Variants in CGNL1 observed in about 807,000 individuals in gnomAD.
CGNL1 encodes the protein cingulin like 1, also known as cingulin-like protein 1.
In CGNL1, 132 loss-of-function variants were observed where a neutral mutation model predicts 141.2. The observed-to-expected ratio is 0.93, with a 90% CI of 0.81 to 1.08. The LOEUF is 1.08. Among genes scored for constraint, CGNL1 ranks in the 50% least tolerant of loss-of-function variants. CGNL1 has a pLI of 0.00. For missense variants in CGNL1, 1,870 were observed against 1,588.6 expected, an observed-to-expected ratio of 1.18 and a Z score of -3.01; for synonymous variants, 690 against 622.1, an observed-to-expected ratio of 1.11 and a Z score of -1.63.
intron 3 of CGNL1, among the ~76,000 whole-genome samples, chr15:57,441,476 C>G (rs1260094873): frequency 6.6e-6 from 1 of 152,050 alleles, no homozygotes. Context: ...TCAAGAGATT[C>G]TCCTGCCTCA....
chr15:57,535,412 C>G (rs1404914020), intron 14 of CGNL1, among the ~76,000 whole-genome samples: 18 of 152,190 alleles, frequency 1.2e-4, no homozygotes, highest in Non-Finnish European at 2.1e-4. Context: ...GAGGGAAAGA[C>G]CATTGTTGCA....
chr15:57,409,940 G>A (rs1374955720), intron 1 of CGNL1, among the ~76,000 whole-genome samples: 2 of 152,212 alleles, frequency 1.3e-5, no homozygotes, highest in Non-Finnish European at 2.9e-5. Flanking sequence ...TGCCTCGTGT[G>A]AGGATCTCGC....
chr15:57,508,877 A>G (rs919663354), intron 8 of CGNL1, among the ~76,000 whole-genome samples: 3 of 152,244 alleles, frequency 2.0e-5, no homozygotes, highest in Non-Finnish European at 4.4e-5. Context: ...TGAGATCTCT[A>G]GGTAATTCAT....
intron 9 of CGNL1, 98 bp downstream of exon 9, chr15:57,517,084 T>C: frequency 3.4e-6 from 4 of 1,193,820 alleles, no homozygotes; most frequent in Admixed American, 4.3e-5. Context: ...ATTGTCATGA[T>C]GTAGTAGGAA....
Position 57,437,998 on chromosome 15 carries a change from C to A in CGNL1, c.-2C>A. Reference sequence around the variant, plus strand: ...TCTCCCTGGTAGCTGGAACAGTGAACCATGGAGCTGTATTTCGGTGAATAT... The same window carrying A: ...TCTCCCTGGTAGCTGGAACAGTGAAACATGGAGCTGTATTTCGGTGAATAT... On this transcript the variant is annotated 5_prime_UTR_variant, in exon 2 of 19. Coordinates refer to ENST00000281282, the MANE Select transcript of CGNL1 (RefSeq NM_032866.5). 1 of 1,608,912 alleles carries A rather than the reference C, an allele frequency of 6.2e-7. No homozygotes were observed.
intron 8 of CGNL1, among the ~76,000 whole-genome samples, chr15:57,467,656 A>C (rs2063526250): frequency 6.6e-6 from 1 of 151,742 alleles, no homozygotes; most frequent in African/African-American, 2.4e-5. Flanking sequence ...AAGGGGTGAT[A>C]ATAGTGCTAT....
At chr15:57,514,982 T>C (rs1205933684) in intron 8 of CGNL1, among the ~76,000 whole-genome samples, 1 of 152,212 alleles carries the variant, frequency 6.6e-6, no homozygotes, top group Non-Finnish European at 1.5e-5. Flanking sequence ...ATGCCAGTAC[T>C]GCCCTGTCTT....
At position 57,422,219 on chromosome 15, in the gene CGNL1, ATTTT is replaced by A. The variant is rs5812897; in HGVS notation, c.-15-15757_-15-15754del. Among the ~76,000 whole-genome samples, 14 of 145,294 alleles carry A rather than the reference ATTTT, an allele frequency of 9.6e-5. 3 individuals carry two copies. Among genetic ancestry groups the A allele is most frequent in the African/African-American group, 3.5e-4 (14 of 39,662 alleles). ...GTTTTTTTCTCCTTTCCTTGCAGTT[ATTTT>A]TTTTTTTTCTTTTATTGCCTGTTTC... On this transcript the variant is annotated intron_variant, in intron 1 of 18. Coordinates refer to ENST00000281282, the MANE Select transcript of CGNL1 (RefSeq NM_032866.5).
chr15:57,481,117 T>A (rs971421372), intron 8 of CGNL1, among the ~76,000 whole-genome samples: 9 of 147,890 alleles, frequency 6.1e-5, no homozygotes, highest in Non-Finnish European at 9.0e-5. Context: ...AAAGAATTTT[T>A]AAAAAATCAA....
At chr15:57,528,540 T>G in intron 12 of CGNL1, 114 bp from the exon 13 acceptor site, 1 of 1,016,248 alleles carries the variant, frequency 9.8e-7, no homozygotes, top group Non-Finnish European at 1.5e-6. Context: ...ATCTCCCATA[T>G]TGTGGGAGTC....
chr15:57,399,078 A>G (rs1247119556), intron 1 of CGNL1, among the ~76,000 whole-genome samples: 1 of 152,198 alleles, frequency 6.6e-6, no homozygotes, highest in Non-Finnish European at 1.5e-5. Flanking sequence ...CTAAATTATG[A>G]TATATATAAA....
intron 1 of CGNL1, among the ~76,000 whole-genome samples, chr15:57,430,397 C>G (rs536881379): frequency 5.4e-4 from 82 of 152,256 alleles, no homozygotes; most frequent in African/African-American, 1.8e-3. Flanking sequence ...GGATGAATGA[C>G]TTATCTAACA....
rs545286920 is a variant in CGNL1 at position 57,463,421 on chromosome 15, A to G, written c.2403+1529A>G. On this transcript the variant is annotated intron_variant, in intron 8 of 18. Coordinates refer to ENST00000281282, the MANE Select transcript of CGNL1 (RefSeq NM_032866.5). ...TAACTCATAGTATTTTCATTATGCC[A>G]TTTCAAGAGCGACAACTACATTGAC... Among the ~76,000 whole-genome samples the G allele has an allele frequency of 2.0e-5, 3 of 152,350 alleles. No individual in the cohort carries two copies. In the East Asian group the frequency reaches 5.8e-4, roughly 29 times the overall value.
chr15:57,456,830 C>T (rs2063384819), intron 7 of CGNL1, among the ~76,000 whole-genome samples: 1 of 152,168 alleles, frequency 6.6e-6, no homozygotes, highest in African/African-American at 2.4e-5. Flanking sequence ...GGCCTCACTC[C>T]AGCAGAGTCT....
chr15:57,428,928 C>G (rs1253243411), intron 1 of CGNL1, among the ~76,000 whole-genome samples: 1 of 151,874 alleles, frequency 6.6e-6, no homozygotes, highest in Non-Finnish European at 1.5e-5. Context: ...GAGGCTGAGG[C>G]AGGAGAATTG....
At chr15:57,456,357 T>C (rs936320486) in intron 7 of CGNL1, among the ~76,000 whole-genome samples, 9 of 152,306 alleles carry the variant, frequency 5.9e-5, no homozygotes, top group East Asian at 3.9e-4. Context: ...GAAATATCTT[T>C]TAATATGTCA....
At chr15:57,528,524 C>G in intron 12 of CGNL1, 130 bp from the exon 13 acceptor site, 2 of 892,122 alleles carry the variant, frequency 2.2e-6, no homozygotes, top group Non-Finnish European at 3.5e-6. Flanking sequence ...TGCTCAAGGT[C>G]TTCTGATCTC....
At chr15:57,456,521 A>G (rs1326964241) in intron 7 of CGNL1, among the ~76,000 whole-genome samples, 1 of 152,178 alleles carries the variant, frequency 6.6e-6, no homozygotes, top group East Asian at 1.9e-4. Flanking sequence ...ACAGTTTAAA[A>G]AAAAAAAGAA....
chr15:57,406,898 A>T (rs182514937), intron 1 of CGNL1: 1 of 152,360 alleles, frequency 6.6e-6, no homozygotes, highest in East Asian at 1.9e-4. Flanking sequence ...TTACTGTACT[A>T]GTTGACCCGT....
Sources: gnomAD v4.1 joint callset for allele counts (sites outside exome capture counted in the v4.1 genomes callset) on GRCh38, gnomAD v4.1.1 for gene constraint, MANE v1.5 for transcripts, NCBI Gene and HGNC (gene_info 2026-07-23, HGNC 2026-07-21) for gene names.